MEX3C: variants seen among roughly 807,000 people sequenced by gnomAD.
The protein encoded by MEX3C is mex-3 RNA binding family member C.
MEX3C carries 15 observed loss-of-function variants against 35.5 expected under a neutral mutation model. That is an observed-to-expected ratio of 0.42 (90% CI 0.28 to 0.65). MEX3C has a LOEUF of 0.65. Ranked by LOEUF, MEX3C falls within the 30% of genes least tolerant of loss-of-function variation. The pLI is 0.20. For synonymous variants in MEX3C, 390 were observed against 352.8 expected, an observed-to-expected ratio of 1.11 and a Z score of -1.18; for missense variants, 711 against 842.8, an observed-to-expected ratio of 0.84 and a Z score of 1.94.
intron 1 of MEX3C, chr18:51,193,386 A>G (rs1912699665): frequency 6.6e-6 from 1 of 152,188 alleles, no homozygotes; most frequent in South Asian, 2.1e-4. Context: ...TTAATTTATA[A>G]TGTATTAAGA....
At chr18:51,181,029 A>G in intron 1 of MEX3C, among the ~76,000 whole-genome samples, 1 of 152,222 alleles carries the variant, frequency 6.6e-6, no homozygotes, top group East Asian at 1.9e-4. Context: ...CACAAACTAA[A>G]GGAGAAAAAC....
chr18:51,194,958 T>C (rs769238600), intron 1 of MEX3C: 1 of 152,248 alleles, frequency 6.6e-6, no homozygotes, highest in South Asian at 2.1e-4. Context: ...TCTCCATAGA[T>C]GTTCTCTTAC....
chr18:51,181,471 C>G (rs958936126), intron 1 of MEX3C, among the ~76,000 whole-genome samples: 13 of 150,886 alleles, frequency 8.6e-5, no homozygotes, highest in African/African-American at 3.2e-4. Flanking sequence ...TATTTTCTAC[C>G]TATAAGATTG....
chr18:51,177,298 T>G lies in MEX3C; in HGVS notation c.1033A>C (p.Lys345Gln), dbSNP rs1912327351. The change falls in exon 2 of 2, where the codon AAA becomes CAA. Residue 345 changes from lysine (K) to glutamine (Q), a missense_variant. Lys to Gln is a moderately conservative substitution (Grantham distance 53). This residue lies in a region of MEX3C where 83 missense variants were observed against 179.1 expected (regional missense o/e 0.46). Transcript: ENST00000406189. The surrounding 1 kb of genome is among the most constrained non-coding windows in gnomAD (Gnocchi z 4.2). The stretch of plus-strand genomic sequence containing the variant: ...TGAATTCTTTTAATAGTTGCTCCTT[T>G]GGGTCCAACCACTAATCCTACCACA... ...YRVVGLVVGP[K>Q]GATIKRIQQQ... 6.2e-7 allele frequency: 1 copy of G among 1,613,918 alleles called. No individual in the cohort carries two copies. Among genetic ancestry groups the G allele is most frequent in the Non-Finnish European group, 8.5e-7 (1 of 1,179,908 alleles).
In MEX3C at chr18:51,196,719, AGCATCGCCGCCATCATGCCCTGG is replaced by A; in HGVS notation, c.579_601del (p.Gln194ValfsTer53). The A allele has an allele frequency of 6.5e-7, 1 of 1,534,318 alleles. No individual in the cohort carries two copies. Among genetic ancestry groups the A allele is most frequent in the Non-Finnish European group, 8.7e-7 (1 of 1,145,416 alleles). On this transcript the variant is annotated frameshift_variant, in exon 1 of 2. Transcript: ENST00000406189. LOFTEE classifies it high-confidence loss of function. ...ACCGCCGGGGCCGTAGGCGTGGGAC[AGCATCGCCGCCATCATGCCCTGG>A]GCATCGTCCCCTCCGTACAGCACCC...
chr18:51,182,708 GA>G (rs1912457465), intron 1 of MEX3C, among the ~76,000 whole-genome samples: 1 of 152,078 alleles, frequency 6.6e-6, no homozygotes. Flanking sequence ...CCTAGCCTTA[GA>G]AATTAAGACG....
intron 1 of MEX3C, chr18:51,195,902 C>T (rs1912773813): frequency 6.6e-6 from 1 of 152,598 alleles, no homozygotes; most frequent in South Asian, 2.0e-4. Context: ...TCATCCTGCA[C>T]ACTGAACAGT....
rs1408527503 is a variant in MEX3C at position 51,183,830 on chromosome 18, A to C, written c.755-6254T>G. 5.3e-5 allele frequency among the ~76,000 whole-genome samples: 8 copies of C among 152,116 alleles called. 1 individual carries two copies. Among genetic ancestry groups the C allele is most frequent in the Admixed American group, 5.2e-4 (8 of 15,272 alleles). On this transcript the variant is annotated intron_variant, in intron 1 of 1. Transcript: ENST00000406189. ...CTGTTTCTACAAAAAAACAAACAAA[A>C]ATAAAAACAACAAAAAAAATTAGCC... is the stretch of plus-strand genomic sequence containing the variant.
chr18:51,184,844 G>A (rs1912503125), intron 1 of MEX3C, among the ~76,000 whole-genome samples: 1 of 150,638 alleles, frequency 6.6e-6, no homozygotes, highest in Non-Finnish European at 1.5e-5. Flanking sequence ...GGGCAACAGA[G>A]TGAGACCCTG....
At chr18:51,178,372 A>C (rs1246604903) in intron 1 of MEX3C, among the ~76,000 whole-genome samples, 1 of 150,590 alleles carries the variant, frequency 6.6e-6, no homozygotes, top group Non-Finnish European at 1.5e-5. Context: ...CACTTTAACC[A>C]ACTTTTTTTT....
In MEX3C at chr18:51,196,802, A is replaced by T. The variant is rs1402456033; in HGVS notation, c.519T>A (p.Asp173Glu). 6.6e-7 allele frequency: 1 copy of T among 1,519,722 alleles called. No homozygotes were observed. Among genetic ancestry groups the T allele is most frequent in the Non-Finnish European group, 8.8e-7 (1 of 1,138,962 alleles). The allele number at this position is 1,519,722 out of a possible 1,614,324, so 94.1% of individuals were successfully genotyped here. ...CCGCCGCGGCCGCCGCCTCCCGGGCATCGAACCTGGCGGCTGGCAGCAGCA... is the reference window on the plus strand; with the variant it reads ...CCGCCGCGGCCGCCGCCTCCCGGGCTTCGAACCTGGCGGCTGGCAGCAGCA... ...GSVLLPAARF[D>E]AREAAAAAAA... The change falls in exon 1 of 2, where the codon GAT (aspartate) becomes GAA (glutamate). Residue 173 changes from aspartate (D) to glutamate (E), a missense_variant. Physicochemically the swap from Asp to Glu is conservative, Grantham distance 45. This residue lies in a region of MEX3C where 354 missense variants were observed against 311.6 expected (regional missense o/e 1.14). Transcript: ENST00000406189.
intron 1 of MEX3C, chr18:51,194,156 T>C (rs11877810): frequency 0.36 from 54,271 of 152,104 alleles, 10,806 homozygotes; most frequent in Non-Finnish European, 0.45. Flanking sequence ...CACTTCGTTC[T>C]CCATACGAGT....
At position 51,197,681 on chromosome 18, in the gene MEX3C, T is replaced by A. The variant is rs938691005; in HGVS notation, c.-361A>T. 6.6e-6 allele frequency among the ~76,000 whole-genome samples: 1 copy of A among 151,908 alleles called. No individual in the cohort carries two copies. The highest frequency in any genetic ancestry group is 1.5e-5 in the Non-Finnish European group (1 of 67,934). On this transcript the variant is annotated 5_prime_UTR_variant, in exon 1 of 2. Coordinates refer to ENST00000406189, the MANE Select transcript of MEX3C (RefSeq NM_016626.5). ...GCTACGCCCCACGCCGCTCTCCGAA[T>A]GAAGCCGGCGCGCTCTGATTGGGTG...
chr18:51,190,064 T>C (rs2144556416), intron 1 of MEX3C, among the ~76,000 whole-genome samples: 1 of 152,292 alleles, frequency 6.6e-6, no homozygotes, highest in South Asian at 2.1e-4. Flanking sequence ...CTACTAATGC[T>C]ATCTTCTCAG....
At chr18:51,186,015 T>C (rs1275944663) in intron 1 of MEX3C, among the ~76,000 whole-genome samples, 1 of 152,218 alleles carries the variant, frequency 6.6e-6, no homozygotes, top group Non-Finnish European at 1.5e-5. Flanking sequence ...AGTGGTTTGG[T>C]ACGTGATACA....
At position 51,176,869 on chromosome 18, in the gene MEX3C, C is replaced by T. The variant is rs1380535055; in HGVS notation, c.1462G>A (p.Gly488Ser). 6.2e-7 allele frequency: 1 copy of T among 1,613,998 alleles called. No homozygotes were observed. Among genetic ancestry groups the T allele is most frequent in the Non-Finnish European group, 8.5e-7 (1 of 1,179,896 alleles). ...FWFGDTLPSV[G>S]SEDLAVDSPA... Reference sequence around the variant, plus strand: ...GAGTCAACTGCTAGGTCTTCTGAGCCTACAGATGGTAGTGTATCTCCAAAC... The same window carrying T: ...GAGTCAACTGCTAGGTCTTCTGAGCTTACAGATGGTAGTGTATCTCCAAAC... The change falls in exon 2 of 2, where the codon GGC becomes AGC. Residue 488 changes from glycine to serine, a missense_variant. By Grantham distance (56) the Gly-to-Ser change is moderately conservative. This residue lies in a region of MEX3C where 187 missense variants were observed against 201.7 expected (regional missense o/e 0.93). Transcript: ENST00000406189.
rs912813964 is a variant in MEX3C, at chr18:51,197,147, G to A, written c.174C>T (p.Asp58=). The change falls in exon 1 of 2, where the codon GAC becomes GAT. Residue 58 remains aspartate, a synonymous_variant. Coordinates refer to ENST00000406189, the MANE Select transcript of MEX3C (RefSeq NM_016626.5). The part of the protein sequence containing the change: ...LRERLAALGL[D]DPSPAEPGAP... ...CGCCGGGCTCCGCCGGGCTGGGGTC[G>A]TCGAGGCCTAGCGCGGCCAAGCGCT... 4.4e-4 allele frequency: 471 copies of A among 1,069,964 alleles called. 4 individuals carry two copies. In the African/African-American group the frequency reaches 7.3e-3, roughly 17 times the overall value. 66.3% of individuals were successfully genotyped at this position (1,069,964 alleles called of 1,614,324 possible). A position where few individuals can be genotyped will look rare whatever the true frequency, so the allele number is the denominator to read the frequency against.
Position 51,177,733 on chromosome 18 carries a change from C to T in MEX3C, c.755-157G>A, listed in dbSNP as rs1404673925. 6.6e-6 allele frequency among the ~76,000 whole-genome samples: 1 copy of T among 152,136 alleles called. No individual in the cohort carries two copies. The highest frequency in any genetic ancestry group is 2.4e-5 in the African/African-American group (1 of 41,408). On this transcript the variant is annotated intron_variant, in intron 1 of 1. Transcript: ENST00000406189. This position sits in a 1 kb window ranked among gnomAD's most constrained non-coding sequence, Gnocchi z 4.2. ...GGAAGTGGCAGAGCCAGAAGTAAAC[C>T]TAGTTTGACTTAAAATCTGTGGTCT... is the stretch of plus-strand genomic sequence containing the variant.
intron 1 of MEX3C, among the ~76,000 whole-genome samples, chr18:51,178,308 T>G (rs1236220333): frequency 3.9e-5 from 6 of 152,112 alleles, no homozygotes; most frequent in Non-Finnish European, 5.9e-5. Context: ...CCTAAGTATA[T>G]TTAAGTTAAA....
Sources: allele counts gnomAD v4.1 joint callset (sites outside exome capture counted in the v4.1 genomes callset), GRCh38; gene constraint gnomAD v4.1.1; regional missense constraint gnomAD v4.1.1; non-coding constraint Gnocchi (gnomAD v3.1); transcripts MANE v1.5; gene names NCBI Gene and HGNC (gene_info 2026-07-23, HGNC 2026-07-21).